The following MIIP variants were observed in gnomAD, a reference collection of about 807,000 sequenced individuals.
The protein encoded by MIIP is migration and invasion inhibitory protein, also known as migration and invasion-inhibitory protein.
A neutral mutation model predicts 44.8 loss-of-function variants in MIIP; 44 were observed. The observed-to-expected ratio is 0.98, with a 90% CI of 0.77 to 1.26. The LOEUF (loss-of-function observed/expected upper bound fraction) is 1.26, where lower values mean the gene tolerates loss of function less well. MIIP is among the 50% of genes most tolerant of loss of function. MIIP has a pLI of 0.00. For missense variants in MIIP, 496 were observed against 511.7 expected, an observed-to-expected ratio of 0.97 and a Z score of 0.30; for synonymous variants, 225 against 218.3, an observed-to-expected ratio of 1.03 and a Z score of -0.27.
chr1:12,021,319 G>A (rs1160054890), intron 1 of MIIP, among the ~76,000 whole-genome samples: 4 of 151,570 alleles, frequency 2.6e-5, no homozygotes, highest in African/African-American at 9.7e-5. Flanking sequence ...GCGTGAACCC[G>A]GGAGGCGGAG....
At chr1:12,024,610 C>T (rs1032190918) in intron 4 of MIIP, among the ~76,000 whole-genome samples, 2 of 152,144 alleles carry the variant, frequency 1.3e-5, no homozygotes, top group African/African-American at 4.8e-5. Context: ...GAAGGGGTTT[C>T]ACCATGTTGG....
chr1:12,029,531 C>A, intron 6 of MIIP: 1 of 693,572 alleles, frequency 1.4e-6, no homozygotes, highest in Non-Finnish European at 2.4e-6. Context: ...AGCAGTGCCC[C>A]TGTGCTGGTG....
At chr1:12,021,143 C>T (rs1257176067) in intron 1 of MIIP, among the ~76,000 whole-genome samples, 1 of 151,992 alleles carries the variant, frequency 6.6e-6, no homozygotes, top group East Asian at 1.9e-4. Context: ...GCCTGTAATC[C>T]CAGCACTTTG....
At chr1:12,025,484 C>T (rs1310160266) in intron 4 of MIIP, among the ~76,000 whole-genome samples, 1 of 152,174 alleles carries the variant, frequency 6.6e-6, no homozygotes, top group East Asian at 1.9e-4. Context: ...GGGAATAATG[C>T]TGCTGGTGAC....
chr1:12,028,543 G>A (rs1640152518), intron 4 of MIIP, among the ~76,000 whole-genome samples: 1 of 152,098 alleles, frequency 6.6e-6, no homozygotes, highest in South Asian at 2.1e-4. Context: ...GGTCTCTGTG[G>A]CTTCTCCATG....
intron 3 of MIIP, 76 bp downstream of exon 3, chr1:12,022,518 C>T: frequency 8.0e-7 from 1 of 1,246,246 alleles, no homozygotes; most frequent in South Asian, 1.6e-5. Flanking sequence ...GACACATGTG[C>T]TTGTGGGTAG....
At chr1:12,030,332 G>A (rs924669604) in intron 8 of MIIP, among the ~76,000 whole-genome samples, 1 of 152,154 alleles carries the variant, frequency 6.6e-6, no homozygotes, top group Non-Finnish European at 1.5e-5. Flanking sequence ...CTTCCAGGGT[G>A]ATCTGCCTGC....
Position 12,031,756 on chromosome 1 carries a change from C to T in MIIP, c.1115C>T (p.Thr372Ile). ...ATGCAGATGCTGCCCCCGACCCCGA[C>T]CTGGTCAGTGCCCCAGGTCCCTCGG... is the stretch of plus-strand genomic sequence containing the variant. ...SPMQMLPPTP[T>I]WSVPQVPRPH... The change falls in exon 10 of 10, where the codon ACC becomes ATC. Residue 372 changes from threonine (T) to isoleucine (I), a missense_variant. Transcript: ENST00000235332. The T allele has an allele frequency of 6.2e-7, 1 of 1,614,086 alleles. No individual in the cohort carries two copies. The highest frequency in any genetic ancestry group is 1.1e-5 in the South Asian group (1 of 91,086).
chr1:12,031,585 T>C (rs1640243801), intron 9 of MIIP, 137 bp from the exon 10 acceptor site: 8 of 1,605,330 alleles, frequency 5.0e-6, no homozygotes, highest in Non-Finnish European at 6.8e-6. Context: ...TCGGAACTCC[T>C]CTGCTCCCTG....
At chr1:12,023,057 CTCTTTTTTTT>C in intron 4 of MIIP, 140 bp downstream of exon 4, 1 of 522,160 alleles carries the variant, frequency 1.9e-6, no homozygotes, top group Non-Finnish European at 3.3e-6. Context: ...GGGGAGCACC[CTCTTTTTTTT>C]TTTTTTTTTT....
rs1407807988 is a variant in MIIP, at chr1:12,021,717, G to A, written c.-10G>A. ...CAGGGGCAAGTGACACCTGCTGAGA[G>A]AGGCCCAGGATGGTGGAGGCTGAGG... On this transcript the variant is annotated 5_prime_UTR_variant, in exon 2 of 10. Coordinates refer to ENST00000235332, the MANE Select transcript of MIIP (RefSeq NM_021933.4). 1.9e-6 allele frequency: 3 copies of A among 1,611,884 alleles called. No homozygotes were observed. The highest frequency in any genetic ancestry group is 1.1e-5 in the South Asian group (1 of 90,836).
chr1:12,022,179 C>T lies in MIIP; in HGVS notation c.199C>T (p.Pro67Ser), dbSNP rs1489643048. Residue 67 changes from proline (P) to serine (S), a missense_variant, in exon 3 of 10, where the codon CCA becomes TCA. Pro to Ser is a moderately conservative substitution (Grantham distance 74, BLOSUM62 -1). Transcript: ENST00000235332. ...CTCAACTTCCTTGAGCACCTCCTGC[C>T]CACGGGGCCGGTCCTCCGTGTGGGG... is the stretch of plus-strand genomic sequence containing the variant. ...TSSTSLSTSC[P>S]RGRSSVWGPP... is the part of the protein sequence containing the mutation. 2 of 1,613,882 alleles carry T rather than the reference C, an allele frequency of 1.2e-6. No individual in the cohort carries two copies. The highest frequency in any genetic ancestry group is 1.7e-6 in the Non-Finnish European group (2 of 1,179,922).
At chr1:12,023,056 C>T (rs1353821709) in intron 4 of MIIP, 139 bp downstream of exon 4, 1 of 559,290 alleles carries the variant, frequency 1.8e-6, no homozygotes, top group Non-Finnish European at 3.1e-6. Context: ...TGGGGAGCAC[C>T]CTCTTTTTTT....
chr1:12,031,519 G>C, intron 9 of MIIP, 116 bp downstream of exon 9: 1 of 1,561,380 alleles, frequency 6.4e-7, no homozygotes, highest in Non-Finnish European at 8.7e-7. Context: ...GGAGGATGGA[G>C]CCTGGGAGTG....
chr1:12,023,464 C>T (rs186255366), intron 4 of MIIP, among the ~76,000 whole-genome samples: 2 of 148,942 alleles, frequency 1.3e-5, no homozygotes, highest in African/African-American at 2.5e-5. Flanking sequence ...AGTGAAGTGG[C>T]GCAATCTCGG....
rs201861509 is a variant in MIIP at position 12,022,226 on chromosome 1, G to A, written c.246G>A (p.Gly82=). The part of the protein sequence containing the change: ...SVWGPPDACR[G]DLRDVARSGV... ...GGGGCCCACCAGATGCCTGTCGAGG[G>A]GACCTCCGTGATGTGGCCAGATCGG... Residue 82 remains glycine, a synonymous_variant, in exon 3 of 10, where the codon GGG becomes GGA. Coordinates refer to ENST00000235332, the MANE Select transcript of MIIP (RefSeq NM_021933.4). 20 of 1,613,018 alleles carry A rather than the reference G, an allele frequency of 1.2e-5. No individual in the cohort carries two copies. The Admixed American group carries it at 2.3e-4, about 19-fold the overall frequency.
intron 4 of MIIP, 59 bp from the exon 5 acceptor site, chr1:12,028,974 G>A (rs1342845918): frequency 7.1e-7 from 1 of 1,412,318 alleles, no homozygotes; most frequent in Non-Finnish European, 1.0e-6. Context: ...TTGGCCGGTG[G>A]CCACACAGCA....
At position 12,029,287 on chromosome 1, in the gene MIIP, T is replaced by A. The variant is rs1214485699; in HGVS notation, c.715+6T>A. On this transcript the variant is annotated splice_donor_region_variant and intron_variant, in intron 6 of 9. Transcript: ENST00000235332. ...CGTGGAGGAAGACCATGAATGTGAGTGCGGGCCCTCGGCTAGGCCGCTGAG... is the reference window on the plus strand; with the variant it reads ...CGTGGAGGAAGACCATGAATGTGAGAGCGGGCCCTCGGCTAGGCCGCTGAG... 1.9e-6 allele frequency: 3 copies of A among 1,612,560 alleles called. No individual in the cohort carries two copies. Among genetic ancestry groups the A allele is most frequent in the African/African-American group, 2.7e-5 (2 of 74,908 alleles).
At chr1:12,027,266 T>A (rs1456617709) in intron 4 of MIIP, among the ~76,000 whole-genome samples, 4 of 152,196 alleles carry the variant, frequency 2.6e-5, no homozygotes, top group East Asian at 3.8e-4. Flanking sequence ...CGCCTTGGCC[T>A]CCCAAAGTGC....
Sources: gnomAD v4.1 joint callset for allele counts (sites outside exome capture counted in the v4.1 genomes callset) on GRCh38, gnomAD v4.1.1 for gene constraint, MANE v1.5 for transcripts, NCBI Gene and HGNC (gene_info 2026-07-23, HGNC 2026-07-21) for gene names.